Variants in ZFHX4 observed in about 807,000 individuals in gnomAD.
ZFHX4 encodes zinc finger homeobox 4.
ZFHX4 carries 56 observed loss-of-function variants against 267.6 expected under a neutral mutation model. The observed-to-expected ratio is 0.21, with a 90% confidence interval of 0.17 to 0.26. The LOEUF (loss-of-function observed/expected upper bound fraction) is 0.26, where lower values mean the gene tolerates loss of function less well. Among genes scored for constraint, ZFHX4 ranks in the 10% least tolerant of loss-of-function variants. The pLI, the probability that ZFHX4 is intolerant of heterozygous loss-of-function variation, is 1.00. For missense variants in ZFHX4, 4,332 were observed against 4,420.0 expected, an observed-to-expected ratio of 0.98 and a Z score of 0.56; for synonymous variants, 1,778 against 1,665.6, an observed-to-expected ratio of 1.07 and a Z score of -1.64.
intron 3 of ZFHX4, among the ~76,000 whole-genome samples, chr8:76,771,123 G>C (rs777056027): frequency 1.3e-5 from 2 of 152,136 alleles, no homozygotes; most frequent in Non-Finnish European, 2.9e-5. Context: ...CTATTGAAGA[G>C]TGTTAAGTAG....
chr8:76,765,228 C>G (rs1043128422), intron 3 of ZFHX4, among the ~76,000 whole-genome samples: 2 of 152,080 alleles, frequency 1.3e-5, no homozygotes, highest in African/African-American at 4.8e-5. Context: ...AAAAATTATA[C>G]CTTGAGACAC....
At chr8:76,837,659 A>G (rs1585995646) in intron 5 of ZFHX4, among the ~76,000 whole-genome samples, 1 of 152,144 alleles carries the variant, frequency 6.6e-6, no homozygotes, top group South Asian at 2.1e-4. Context: ...TGTATTGCCT[A>G]CCTACTGTAT....
At chr8:76,739,523 G>C (rs1027709237) in intron 3 of ZFHX4, among the ~76,000 whole-genome samples, 4 of 151,992 alleles carry the variant, frequency 2.6e-5, no homozygotes, top group Non-Finnish European at 5.9e-5. Flanking sequence ...ATATCTAGTG[G>C]GGCAGGCAAG....
intron 10 of ZFHX4, among the ~76,000 whole-genome samples, chr8:76,857,266 T>C (rs567630347): frequency 3.3e-5 from 5 of 151,534 alleles, no homozygotes; most frequent in African/African-American, 1.2e-4. Context: ...ATAATTTAAG[T>C]AAGTTTTGTT....
At chr8:76,750,153 A>G (rs2131704523) in intron 3 of ZFHX4, among the ~76,000 whole-genome samples, 1 of 152,242 alleles carries the variant, frequency 6.6e-6, no homozygotes, top group Middle Eastern at 3.4e-3. Context: ...ATTAACCAAG[A>G]TTAGGGTCTT....
rs77456801 is a variant in ZFHX4, at chr8:76,748,301, A to T, written c.3094-29907A>T. The stretch of plus-strand genomic sequence containing the variant: ...TACTCCTACTGACTTCTAGCAGAAC[A>T]TCTTCTCTCCGATTTGCTGAGCCTT... On this transcript the variant is annotated intron_variant, in intron 3 of 10. Coordinates refer to ENST00000651372, the MANE Select transcript of ZFHX4 (RefSeq NM_024721.5). 1.9e-3 allele frequency among the ~76,000 whole-genome samples: 282 copies of T among 152,318 alleles called. 4 individuals are homozygous for T. In the East Asian group the frequency reaches 0.023, roughly 12 times the overall value.
chr8:76,798,875 C>T (rs928997044), intron 4 of ZFHX4, among the ~76,000 whole-genome samples: 7 of 152,048 alleles, frequency 4.6e-5, no homozygotes, highest in African/African-American at 1.7e-4. Flanking sequence ...TTGACTAAGA[C>T]GGTGTCATAC....
intron 3 of ZFHX4, among the ~76,000 whole-genome samples, chr8:76,717,640 A>G (rs536716641): frequency 1.3e-5 from 2 of 152,326 alleles, no homozygotes; most frequent in African/African-American, 4.8e-5. Context: ...TCTGTCACCC[A>G]GGCTAGAGTT....
chr8:76,841,147 A>C (rs1198303557), intron 5 of ZFHX4, among the ~76,000 whole-genome samples: 1 of 152,160 alleles, frequency 6.6e-6, no homozygotes, highest in Admixed American at 6.6e-5. Context: ...GCCTTTGAGG[A>C]CTCACAGTTG....
intron 3 of ZFHX4, among the ~76,000 whole-genome samples, chr8:76,756,489 A>G (rs1809765888): frequency 6.6e-6 from 1 of 152,090 alleles, no homozygotes; most frequent in African/African-American, 2.4e-5. Context: ...GAACAATGTG[A>G]TTTTTGTTGG....
intron 6 of ZFHX4, among the ~76,000 whole-genome samples, chr8:76,843,559 T>C (rs888353156): frequency 6.6e-6 from 1 of 152,170 alleles, no homozygotes. Flanking sequence ...ATGCTTTGTA[T>C]GTATGAGATG....
At chr8:76,716,568 T>A (rs901499291) in intron 3 of ZFHX4, among the ~76,000 whole-genome samples, 1 of 152,170 alleles carries the variant, frequency 6.6e-6, no homozygotes, top group Non-Finnish European at 1.5e-5. Context: ...GGTTTTTTAA[T>A]TAAGAAGACT....
chr8:76,791,731 T>G (rs1027793137), intron 4 of ZFHX4, among the ~76,000 whole-genome samples: 4 of 152,154 alleles, frequency 2.6e-5, no homozygotes, highest in South Asian at 2.1e-4. Context: ...ATTCTATGTC[T>G]TCATCTGTAA....
Position 76,681,333 on chromosome 8 carries a change from G to T in ZFHX4, c.-334G>T, listed in dbSNP as rs1323846074. 1 of 398,714 alleles carries T rather than the reference G, an allele frequency of 2.5e-6. No individual in the cohort carries two copies. Among genetic ancestry groups the T allele is most frequent in the Non-Finnish European group, 4.4e-6 (1 of 226,040 alleles). 24.7% of individuals were successfully genotyped at this position (398,714 alleles called of 1,614,324 possible). On this transcript the variant is annotated 5_prime_UTR_variant, in exon 1 of 11. Transcript: ENST00000651372. ...TAATTAGCAGAATAAAGACATATCG[G>T]ATTTTCATTTCCTTTCCTCCTTTTC...
At chr8:76,731,856 C>CATTATTATTATT (rs76950838) in intron 3 of ZFHX4, among the ~76,000 whole-genome samples, 2,907 of 143,788 alleles carry the variant, frequency 0.02, 40 homozygotes, top group East Asian at 0.065. Context: ...TGGTGCCACA[C>CATTATTATTATT]ATTATTATTA....
At chr8:76,843,166 T>C (rs1174480866) in intron 6 of ZFHX4, among the ~76,000 whole-genome samples, 3 of 152,218 alleles carry the variant, frequency 2.0e-5, no homozygotes, top group Non-Finnish European at 4.4e-5. Flanking sequence ...ATCACTTGAA[T>C]TTTGTCATTC....
At chr8:76,752,344 A>C (rs187942448) in intron 3 of ZFHX4, among the ~76,000 whole-genome samples, 6 of 151,902 alleles carry the variant, frequency 3.9e-5, no homozygotes, top group South Asian at 4.1e-4. Flanking sequence ...ATTAAAAAAA[A>C]AACAACACAC....
In ZFHX4 at chr8:76,849,574, C is replaced by G. The variant is rs1563556839; in HGVS notation, c.3708C>G (p.Val1236=). The G allele has an allele frequency of 6.2e-7, 1 of 1,613,962 alleles. No individual in the cohort carries two copies. The highest frequency in any genetic ancestry group is 8.5e-7 in the Non-Finnish European group (1 of 1,179,864). ...SRDQSRIQMH[V]LSQHSVQPVI... ...ACCAAAGTCGTATCCAGATGCACGT[C>G]CTATCACAGCACTCGGTGCAGCCGG... Residue 1236 remains valine, a synonymous_variant, in exon 8 of 11, where the codon GTC becomes GTG. Coordinates refer to ENST00000651372, the MANE Select transcript of ZFHX4 (RefSeq NM_024721.5).
intron 3 of ZFHX4, among the ~76,000 whole-genome samples, chr8:76,776,132 T>C (rs1810395050): frequency 6.6e-6 from 1 of 151,920 alleles, no homozygotes; most frequent in East Asian, 1.9e-4. Flanking sequence ...TCCCAGTAGG[T>C]GTGGAAAGGA....
Sources: allele counts gnomAD v4.1 joint callset (sites outside exome capture counted in the v4.1 genomes callset), GRCh38; gene constraint gnomAD v4.1.1; transcripts MANE v1.5; gene names NCBI Gene and HGNC (gene_info 2026-07-23, HGNC 2026-07-21).